The following CAMTA1 variants were observed in gnomAD, a reference collection of about 807,000 sequenced individuals.
The protein encoded by CAMTA1 is calmodulin-binding transcription activator 1.
A neutral mutation model predicts 170.9 loss-of-function variants in CAMTA1; 27 were observed. The observed-to-expected ratio is 0.16, with a 90% CI of 0.12 to 0.22. The LOEUF is 0.22. Among genes scored for constraint, CAMTA1 ranks in the 10% least tolerant of loss-of-function variants. CAMTA1 has a pLI of 1.00. For synonymous variants in CAMTA1, 833 were observed against 891.5 expected, an observed-to-expected ratio of 0.93 and a Z score of 1.17; for missense variants, 1,619 against 2,217.2, an observed-to-expected ratio of 0.73 and a Z score of 5.42.
intron 5 of CAMTA1, among the ~76,000 whole-genome samples, chr1:7,284,572 G>A (rs1183155976): frequency 6.6e-6 from 1 of 152,110 alleles, no homozygotes; most frequent in African/African-American, 2.4e-5. Context: ...GGTTAATATG[G>A]GCAGAATGCT....
chr1:7,108,651 A>G (rs1643840969), intron 4 of CAMTA1, among the ~76,000 whole-genome samples: 1 of 152,260 alleles, frequency 6.6e-6, no homozygotes, highest in Non-Finnish European at 1.5e-5. Context: ...ATGGTGGTTA[A>G]GAGAGTCAAA....
intron 6 of CAMTA1, among the ~76,000 whole-genome samples, chr1:7,597,891 A>G (rs1003682013): frequency 6.6e-6 from 1 of 151,692 alleles, no homozygotes; most frequent in Non-Finnish European, 1.5e-5. Flanking sequence ...TTACACAGGT[A>G]TACATATGCC....
intron 3 of CAMTA1, among the ~76,000 whole-genome samples, chr1:6,951,699 G>C (rs1351205310): frequency 6.6e-6 from 1 of 152,146 alleles, no homozygotes; most frequent in African/African-American, 2.4e-5. Context: ...TCGGGCTATA[G>C]CTCCCCAGAG....
chr1:7,019,207 G>A (rs1483047878), intron 3 of CAMTA1, among the ~76,000 whole-genome samples: 7 of 152,176 alleles, frequency 4.6e-5, no homozygotes, highest in African/African-American at 9.7e-5. Context: ...GCGGACACTC[G>A]GGTTCTCTGA....
chr1:7,296,738 A>G (rs1674003172), intron 5 of CAMTA1, among the ~76,000 whole-genome samples: 2 of 152,098 alleles, frequency 1.3e-5, no homozygotes, highest in South Asian at 4.1e-4. Context: ...GGCCCATTGA[A>G]TACATATGTC....
chr1:7,678,773 G>A (rs2096151985), intron 11 of CAMTA1, among the ~76,000 whole-genome samples: 1 of 152,188 alleles, frequency 6.6e-6, no homozygotes, highest in Non-Finnish European at 1.5e-5. Flanking sequence ...AGCTGAGCCT[G>A]AGCCCCTTGC....
At chr1:7,408,664 A>G (rs1338626424) in intron 5 of CAMTA1, among the ~76,000 whole-genome samples, 1 of 152,168 alleles carries the variant, frequency 6.6e-6, no homozygotes, top group East Asian at 1.9e-4. Context: ...ATGCATGGCT[A>G]TCAGCTTCTG....
At position 7,620,542 on chromosome 1, in the gene CAMTA1, GAA is replaced by G. The variant is rs923172968; in HGVS notation, c.511-19854_511-19853del. ...TTTCCTTTACCTCTGGCAAAACAAA[GAA>G]AAAGAGAGAGAGAGAATATATTCTA... On this transcript the variant is annotated intron_variant, in intron 6 of 22. Transcript: ENST00000303635. Among the ~76,000 whole-genome samples, 30 of 152,222 alleles carry G rather than the reference GAA, an allele frequency of 2.0e-4. No individual in the cohort carries two copies. In the East Asian group the frequency reaches 5.8e-3, roughly 29 times the overall value.
chr1:7,187,500 A>G (rs1048545787), intron 4 of CAMTA1, among the ~76,000 whole-genome samples: 2 of 152,208 alleles, frequency 1.3e-5, no homozygotes, highest in African/African-American at 4.8e-5. Flanking sequence ...TTAAATTTTT[A>G]AAAACTGGAT....
At position 6,845,367 on chromosome 1, in the gene CAMTA1, C is replaced by T. The variant is rs1303282707; in HGVS notation, c.234+20157C>T. 2.0e-5 allele frequency among the ~76,000 whole-genome samples: 3 copies of T among 152,282 alleles called. No homozygotes were observed. The East Asian group carries it at 5.8e-4, about 29-fold the overall frequency. On this transcript the variant is annotated intron_variant, in intron 3 of 22. Coordinates refer to ENST00000303635, the MANE Select transcript of CAMTA1 (RefSeq NM_015215.4). ...TGCTACCACCTCTAACTACCTCGGCCCTCAGGAAGTAATGGTGGTTTTACT... is the reference window on the plus strand; with the variant it reads ...TGCTACCACCTCTAACTACCTCGGCTCTCAGGAAGTAATGGTGGTTTTACT...
rs1465985097 is a variant in CAMTA1 at position 7,022,682 on chromosome 1, G to A, written c.235-68622G>A. Among the ~76,000 whole-genome samples, 3 of 152,082 alleles carry A rather than the reference G, an allele frequency of 2.0e-5. No homozygotes were observed. In the East Asian group the frequency reaches 5.8e-4, roughly 29 times the overall value. ...CATATGCTTCAGGGATTTGAAGGAG[G>A]GTTACCTATGTCTAGGGCTTAACGT... On this transcript the variant is annotated intron_variant, in intron 3 of 22. Transcript: ENST00000303635.
intron 3 of CAMTA1, among the ~76,000 whole-genome samples, chr1:6,833,166 C>A (rs1057400853): frequency 6.6e-6 from 1 of 152,132 alleles, no homozygotes; most frequent in Non-Finnish European, 1.5e-5. Flanking sequence ...CAGAGTACAG[C>A]AATATTTATA....
chr1:7,095,321 C>T (rs955338495), intron 4 of CAMTA1, among the ~76,000 whole-genome samples: 3 of 152,148 alleles, frequency 2.0e-5, no homozygotes, highest in African/African-American at 7.2e-5. Context: ...AAAGGTGAGC[C>T]TGAGTGTTGT....
At chr1:7,499,682 C>A (rs2093941562) in intron 6 of CAMTA1, among the ~76,000 whole-genome samples, 1 of 127,208 alleles carries the variant, frequency 7.9e-6, no homozygotes, top group Admixed American at 8.1e-5. Flanking sequence ...TGTGTGTGAA[C>A]CTGGTGTGCG....
chr1:7,292,190 G>A (rs150388954), intron 5 of CAMTA1, among the ~76,000 whole-genome samples: 2 of 152,266 alleles, frequency 1.3e-5, no homozygotes, highest in Non-Finnish European at 2.9e-5. Flanking sequence ...TTGCTGAAGC[G>A]CTGGCTTGTT....
intron 11 of CAMTA1, among the ~76,000 whole-genome samples, chr1:7,724,855 T>A (rs2096673443): frequency 6.6e-6 from 1 of 151,996 alleles, no homozygotes; most frequent in South Asian, 2.1e-4. Context: ...TGTATTAGTT[T>A]ATTTCATCCT....
Position 7,051,548 on chromosome 1 carries a change from C to T in CAMTA1, c.235-39756C>T, listed in dbSNP as rs79365814. Among the ~76,000 whole-genome samples, 1,459 of 152,236 alleles carry T rather than the reference C, an allele frequency of 9.6e-3. 12 individuals are homozygous for T. Among genetic ancestry groups the T allele is most frequent in the South Asian group, 0.021 (101 of 4,808 alleles). On this transcript the variant is annotated intron_variant, in intron 3 of 22. Transcript: ENST00000303635. ...GGGGTCTTCCAGTGGGTCCTGATTG[C>T]CAGGTCTTGAGCTGCTTCAGGTGCC...
chr1:7,568,757 CCAT>C (rs906146287), intron 6 of CAMTA1, among the ~76,000 whole-genome samples: 5 of 150,660 alleles, frequency 3.3e-5, no homozygotes, highest in South Asian at 2.2e-4. Flanking sequence ...CACCACATCA[CCAT>C]CATCATCACC....
chr1:6,790,622 A>T (rs1318734761), intron 1 of CAMTA1, among the ~76,000 whole-genome samples: 2 of 152,160 alleles, frequency 1.3e-5, no homozygotes, highest in African/African-American at 2.4e-5. Context: ...TTCATAGTAG[A>T]TAGTGAGAAC....
Sources: gnomAD v4.1 joint callset for allele counts (sites outside exome capture counted in the v4.1 genomes callset) on GRCh38, gnomAD v4.1.1 for gene constraint, MANE v1.5 for transcripts, NCBI Gene and HGNC (gene_info 2026-07-23, HGNC 2026-07-21) for gene names.